NAV2: variants seen among roughly 807,000 people sequenced by gnomAD.
The protein encoded by NAV2 is neuron navigator 2.
In NAV2, 54 loss-of-function variants were observed where a neutral mutation model predicts 223.2. The observed-to-expected ratio is 0.24, with a 90% CI of 0.19 to 0.30. The LOEUF (loss-of-function observed/expected upper bound fraction) is 0.30, where lower values mean the gene tolerates loss of function less well. NAV2 is among the 10% of genes least tolerant of loss of function. The pLI is 1.00. For missense variants in NAV2, 2,806 were observed against 3,147.5 expected (o/e 0.89, Z 2.60); for synonymous variants, 1,279 against 1,239.3 (o/e 1.03, Z -0.67).
At chr11:20,025,729 C>G (rs1253489985) in intron 11 of NAV2, among the ~76,000 whole-genome samples, 1 of 152,218 alleles carries the variant, frequency 6.6e-6, no homozygotes, top group Non-Finnish European at 1.5e-5. Context: ...GTTTTCCTCT[C>G]TCCACCTCAA....
At position 19,756,292 on chromosome 11, in the gene NAV2, T is replaced by C. The variant is rs557463168; in HGVS notation, c.267+42330T>C. ...GGCACTTACCCTACACCCACCCTAA[T>C]CCAGGATAAACTCATTTTAACTAAT... On this transcript the variant is annotated intron_variant, in intron 1 of 37. Transcript: ENST00000349880. Among the ~76,000 whole-genome samples, 4 of 152,278 alleles carry C rather than the reference T, an allele frequency of 2.6e-5. No homozygotes were observed. In the East Asian group the frequency reaches 5.8e-4, roughly 22 times the overall value.
intron 10 of NAV2, 140 bp from the exon 11 acceptor site, chr11:19,983,985 C>A: frequency 9.6e-7 from 1 of 1,038,716 alleles, no homozygotes; most frequent in African/African-American, 1.6e-5. Context: ...GGGCTGTGAT[C>A]AGTGCCAGAG....
intron 1 of NAV2, among the ~76,000 whole-genome samples, chr11:19,765,771 G>A (rs555621730): frequency 3.3e-5 from 5 of 152,088 alleles, no homozygotes; most frequent in Non-Finnish European, 7.4e-5. Context: ...GCCCCTTCAG[G>A]TCTTCCATGT....
At chr11:19,540,815 G>A (rs2044318834) in intron 1 of NAV2, among the ~76,000 whole-genome samples, 1 of 152,176 alleles carries the variant, frequency 6.6e-6, no homozygotes, top group Admixed American at 6.5e-5. Flanking sequence ...AGGATCACAA[G>A]GTGGGAGGCA....
chr11:19,885,470 G>C (rs914445291), intron 5 of NAV2, among the ~76,000 whole-genome samples: 1 of 152,016 alleles, frequency 6.6e-6, no homozygotes, highest in African/African-American at 2.4e-5. Context: ...ATTGCTGCTG[G>C]GGTAGAATCT....
At chr11:20,065,666 T>C (rs12785600) in intron 20 of NAV2, among the ~76,000 whole-genome samples, 65,430 of 152,066 alleles carry the variant, frequency 0.43, 14,787 homozygotes, top group Middle Eastern at 0.63. Flanking sequence ...CTGTTGATAA[T>C]TGGGGCCCAA....
At position 19,951,155 on chromosome 11, in the gene NAV2, C is replaced by T. The variant is rs187738199; in HGVS notation, c.2645+2075C>T. Among the ~76,000 whole-genome samples, 12 of 152,220 alleles carry T rather than the reference C, an allele frequency of 7.9e-5. No homozygotes were observed. The East Asian group carries it at 2.1e-3, about 27-fold the overall frequency. ...AAGGGTTCTGATTTCTATGGCCTAC[C>T]TAGGGGCAGAGGGATTCTAGTTTCT... On this transcript the variant is annotated intron_variant, in intron 10 of 37. Coordinates refer to ENST00000349880, the MANE Select transcript of NAV2 (RefSeq NM_145117.5).
intron 2 of NAV2, among the ~76,000 whole-genome samples, chr11:19,836,803 T>C (rs1290527385): frequency 6.6e-6 from 1 of 152,208 alleles, no homozygotes; most frequent in African/African-American, 2.4e-5. Flanking sequence ...TTCTGGAGGC[T>C]GGAAGTCAAA....
At chr11:19,821,734 C>T (rs1006547652) in intron 1 of NAV2, among the ~76,000 whole-genome samples, 2 of 152,200 alleles carry the variant, frequency 1.3e-5, no homozygotes, top group Non-Finnish European at 2.9e-5. Context: ...TGTCAGCTCC[C>T]CTCTTGGGTC....
intron 1 of NAV2, among the ~76,000 whole-genome samples, chr11:19,588,702 A>C (rs1317925603): frequency 6.6e-6 from 1 of 152,216 alleles, no homozygotes; most frequent in Non-Finnish European, 1.5e-5. Flanking sequence ...CCTGCTGGAA[A>C]ATTCTCTTAG....
chr11:20,071,367 G>A (rs2059396472), intron 22 of NAV2, among the ~76,000 whole-genome samples: 1 of 152,084 alleles, frequency 6.6e-6, no homozygotes, highest in South Asian at 2.1e-4. Context: ...TCATTGATGG[G>A]CATTTGGGTT....
chr11:19,847,705 G>A (rs1022699506), intron 3 of NAV2, among the ~76,000 whole-genome samples: 1 of 152,166 alleles, frequency 6.6e-6, no homozygotes, highest in African/African-American at 2.4e-5. Context: ...ATTAATTAAA[G>A]TGATAAAATA....
chr11:19,470,889 C>G (rs1361983092), intron 1 of NAV2, among the ~76,000 whole-genome samples: 46 of 152,156 alleles, frequency 3.0e-4, no homozygotes, highest in Non-Finnish European at 1.8e-4. Flanking sequence ...TCTTCCTTCT[C>G]TTGTCAGTGT....
At chr11:20,008,120 A>T (rs2053239481) in intron 11 of NAV2, among the ~76,000 whole-genome samples, 1 of 152,050 alleles carries the variant, frequency 6.6e-6, no homozygotes, top group South Asian at 2.1e-4. Flanking sequence ...TAATCCCAGC[A>T]CTTTGGGAGG....
At chr11:19,604,047 G>A (rs895149114) in intron 1 of NAV2, among the ~76,000 whole-genome samples, 3 of 151,904 alleles carry the variant, frequency 2.0e-5, no homozygotes, top group Non-Finnish European at 4.4e-5. Context: ...AAGGGGAAGA[G>A]AAGTAGGCAG....
intron 1 of NAV2, among the ~76,000 whole-genome samples, chr11:19,596,883 C>T (rs1189982790): frequency 6.6e-6 from 1 of 152,200 alleles, no homozygotes; most frequent in African/African-American, 2.4e-5. Flanking sequence ...ACGGCAAACC[C>T]AGTAGGTAGG....
At chr11:19,807,481 A>G (rs1053286749) in intron 1 of NAV2, among the ~76,000 whole-genome samples, 2 of 152,180 alleles carry the variant, frequency 1.3e-5, no homozygotes, top group African/African-American at 4.8e-5. Flanking sequence ...AAATGCACCT[A>G]TGTGCACACT....
chr11:19,863,999 A>G (rs1316765074), intron 3 of NAV2, among the ~76,000 whole-genome samples: 1 of 152,216 alleles, frequency 6.6e-6, no homozygotes, highest in African/African-American at 2.4e-5. Context: ...TTGAGTTGAC[A>G]TATGAGTTTT....
chr11:19,350,865 T>G lies in NAV2; in HGVS notation c.-88T>G. 3 of 1,302,906 alleles carry G rather than the reference T, an allele frequency of 2.3e-6. No homozygotes were observed. The African/African-American group carries it at 4.4e-5, about 19-fold the overall frequency. 80.7% of individuals were successfully genotyped at this position (1,302,906 alleles called of 1,614,324 possible). A position where few individuals can be genotyped will look rare whatever the true frequency, so the allele number is the denominator to read the frequency against. ...GCTGGCGGGAACTCTGTCTGGCTGT[T>G]GCATGCATCACTTTTGTGTGGGTTA... is the stretch of plus-strand genomic sequence containing the variant. On this transcript the variant is annotated 5_prime_UTR_variant, in exon 1 of 38. Coordinates refer to the NAV2 transcript ENST00000360655.
Sources: gnomAD v4.1 joint callset for allele counts (sites outside exome capture counted in the v4.1 genomes callset) on GRCh38, gnomAD v4.1.1 for gene constraint, MANE v1.5 for transcripts, NCBI Gene and HGNC (gene_info 2026-07-23, HGNC 2026-07-21) for gene names.